The following KCNH7 variants were observed in gnomAD, a reference collection of about 807,000 sequenced individuals.
The protein encoded by KCNH7 is voltage-gated inwardly rectifying potassium channel KCNH7.
In KCNH7, 49 loss-of-function variants were observed where a neutral mutation model predicts 120.8. The observed-to-expected ratio is 0.41, with a 90% confidence interval of 0.32 to 0.51. The LOEUF (loss-of-function observed/expected upper bound fraction) is 0.51, where lower values mean the gene tolerates loss of function less well. KCNH7 is among the 20% of genes least tolerant of loss of function. The pLI is 0.38. For synonymous variants in KCNH7, 547 were observed against 516.1 expected (o/e 1.06, Z -0.81); for missense variants, 1,097 against 1,446.6 (o/e 0.76, Z 3.92).
chr2:162,411,144 C>G (rs1157702344), intron 9 of KCNH7, among the ~76,000 whole-genome samples: 1 of 152,132 alleles, frequency 6.6e-6, no homozygotes, highest in Non-Finnish European at 1.5e-5. Context: ...CAAAAGGACA[C>G]ATGCACTTGT....
intron 14 of KCNH7, among the ~76,000 whole-genome samples, chr2:162,375,176 A>G (rs1420482913): frequency 6.6e-6 from 1 of 152,184 alleles, no homozygotes; most frequent in Non-Finnish European, 1.5e-5. Context: ...TTCTGTACAA[A>G]TGTATTCCAT....
At chr2:162,748,909 T>TC (rs1553520237) in intron 2 of KCNH7, among the ~76,000 whole-genome samples, 8 of 72,036 alleles carry the variant, frequency 1.1e-4, no homozygotes, top group Admixed American at 2.6e-4. Flanking sequence ...CTTCCTTCCT[T>TC]CCTTCCCTTC....
At chr2:162,470,353 G>C (rs1396809964) in intron 6 of KCNH7, among the ~76,000 whole-genome samples, 1 of 151,746 alleles carries the variant, frequency 6.6e-6, no homozygotes, top group East Asian at 1.9e-4. Context: ...CCTCTGCCCG[G>C]CCGCGACCCT....
chr2:162,790,914 C>A (rs1683913921), intron 2 of KCNH7, among the ~76,000 whole-genome samples: 1 of 151,976 alleles, frequency 6.6e-6, no homozygotes, highest in Non-Finnish European at 1.5e-5. Flanking sequence ...TCTCTAAGAC[C>A]AGGATGCCCA....
intron 2 of KCNH7, among the ~76,000 whole-genome samples, chr2:162,616,484 A>G (rs1574174232): frequency 6.6e-6 from 1 of 152,212 alleles, no homozygotes; most frequent in African/African-American, 2.4e-5. Context: ...TCTTTGGCCA[A>G]GTATCACTTT....
At chr2:162,502,073 T>C (rs932930843) in intron 6 of KCNH7, 11 of 152,074 alleles carry the variant, frequency 7.2e-5, no homozygotes, top group African/African-American at 2.7e-4. Context: ...TTTTCCAGAC[T>C]AGCCTCTCGC....
intron 2 of KCNH7, among the ~76,000 whole-genome samples, chr2:162,664,248 C>T (rs1298529245): frequency 2.0e-5 from 3 of 152,236 alleles, no homozygotes; most frequent in African/African-American, 7.2e-5. Context: ...CACATATAAC[C>T]TCTTTCACTT....
intron 14 of KCNH7, among the ~76,000 whole-genome samples, chr2:162,375,251 T>TG (rs1255947632): frequency 6.6e-6 from 1 of 152,152 alleles, no homozygotes; most frequent in Non-Finnish European, 1.5e-5. Context: ...TAAAAGGATT[T>TG]GGGGGGAAAG....
intron 5 of KCNH7, among the ~76,000 whole-genome samples, chr2:162,511,041 T>C (rs1691055253): frequency 6.6e-6 from 1 of 151,726 alleles, no homozygotes; most frequent in African/African-American, 2.4e-5. Context: ...GATTCTACCA[T>C]ATACTTTAAA....
At chr2:162,475,840 T>C (rs1178009029) in intron 6 of KCNH7, among the ~76,000 whole-genome samples, 1 of 152,186 alleles carries the variant, frequency 6.6e-6, no homozygotes, top group Non-Finnish European at 1.5e-5. Context: ...CTGCAGCAGC[T>C]GCACTAAACA....
At chr2:162,462,256 G>C (rs184565442) in intron 6 of KCNH7, among the ~76,000 whole-genome samples, 1 of 152,202 alleles carries the variant, frequency 6.6e-6, no homozygotes, top group East Asian at 1.9e-4. Context: ...GTATGTATGT[G>C]AGCAAGCACA....
At chr2:162,395,651 CA>C (rs1686890634) in intron 11 of KCNH7, among the ~76,000 whole-genome samples, 1 of 151,626 alleles carries the variant, frequency 6.6e-6, no homozygotes, top group African/African-American at 2.4e-5. Context: ...AAAACCATTA[CA>C]AAAACATATG....
At chr2:162,528,507 GAC>G (rs1691793406) in intron 3 of KCNH7, 1 of 151,958 alleles carries the variant, frequency 6.6e-6, no homozygotes, top group Admixed American at 6.6e-5. Flanking sequence ...TAGTAGAGGG[GAC>G]ACCACATGAT....
intron 2 of KCNH7, among the ~76,000 whole-genome samples, chr2:162,782,884 A>G (rs973427007): frequency 6.6e-6 from 1 of 152,192 alleles, no homozygotes; most frequent in African/African-American, 2.4e-5. Context: ...TCAAATTATT[A>G]TAAGTTGACA....
intron 2 of KCNH7, among the ~76,000 whole-genome samples, chr2:162,615,861 T>C (rs1168993086): frequency 6.6e-6 from 1 of 152,194 alleles, no homozygotes; most frequent in Admixed American, 6.5e-5. Context: ...ATCCATTCTC[T>C]AAATACACTG....
chr2:162,521,897 C>T (rs1404635861), intron 3 of KCNH7, among the ~76,000 whole-genome samples: 1 of 151,768 alleles, frequency 6.6e-6, no homozygotes, highest in Non-Finnish European at 1.5e-5. Flanking sequence ...CCCACTTTAT[C>T]CCCCACCCCG....
intron 7 of KCNH7, 78 bp downstream of exon 7, chr2:162,445,940 T>G: frequency 1.8e-6 from 2 of 1,125,706 alleles, no homozygotes. Flanking sequence ...GCAAAGCAAC[T>G]CTTCTTTTTG....
chr2:162,807,380 T>G (rs538248117), intron 2 of KCNH7, among the ~76,000 whole-genome samples: 1 of 150,028 alleles, frequency 6.7e-6, no homozygotes, highest in South Asian at 2.1e-4. Context: ...GAGGTTGCAA[T>G]GAGCCGATAT....
Position 162,722,542 on chromosome 2 carries a change from C to T in KCNH7, c.307+113995G>A, listed in dbSNP as rs192913785. 7.4e-3 allele frequency among the ~76,000 whole-genome samples: 1,122 copies of T among 151,988 alleles called. 8 individuals carry two copies. The highest frequency in any genetic ancestry group is 0.014 in the Non-Finnish European group (921 of 67,898). On this transcript the variant is annotated intron_variant, in intron 2 of 15. Coordinates refer to ENST00000332142, the MANE Select transcript of KCNH7 (RefSeq NM_033272.4). The stretch of plus-strand genomic sequence containing the variant: ...TGGAGTTTTCAGAATTTTTCATCTG[C>T]CTTTTTACAGTTTGATAATAACATG...
Sources: gnomAD v4.1 joint callset for allele counts (sites outside exome capture counted in the v4.1 genomes callset) on GRCh38, gnomAD v4.1.1 for gene constraint, MANE v1.5 for transcripts, NCBI Gene and HGNC (gene_info 2026-07-23, HGNC 2026-07-21) for gene names.